RPH3A: variants seen among roughly 807,000 people sequenced by gnomAD.
RPH3A encodes rabphilin 3A.
A neutral mutation model predicts 102.2 loss-of-function variants in RPH3A; 48 were observed. The ratio of observed to expected loss-of-function variants is 0.47; its 90% CI spans 0.37 to 0.60. The LOEUF is 0.60. RPH3A is among the 20% of genes least tolerant of loss of function. RPH3A has a pLI of 0.00. For missense variants in RPH3A, 781 were observed against 910.1 expected (o/e 0.86, Z 1.83); for synonymous variants, 310 against 324.3 (o/e 0.96, Z 0.47).
In RPH3A at chr12:112,859,784, C is replaced by T. The variant is rs369780235; in HGVS notation, c.231-5630C>T. On this transcript the variant is annotated intron_variant, in intron 5 of 21. Coordinates refer to ENST00000389385, the MANE Select transcript of RPH3A (RefSeq NM_001143854.2). The stretch of plus-strand genomic sequence containing the variant: ...TAAAATGCAGGTTCCTAGGCCTCCC[C>T]CAACCCCATAGAATTATTCTCTGAA... 9.2e-4 allele frequency among the ~76,000 whole-genome samples: 140 copies of T among 152,330 alleles called. 2 individuals carry two copies. Among genetic ancestry groups the T allele is most frequent in the African/African-American group, 2.5e-3 (105 of 41,574 alleles).
chr12:112,844,336 G>C (rs1362020677), intron 4 of RPH3A, among the ~76,000 whole-genome samples: 1 of 152,234 alleles, frequency 6.6e-6, no homozygotes, highest in Non-Finnish European at 1.5e-5. Context: ...AGGTCCACAC[G>C]ATTAGGAAAT....
chr12:112,763,385 A>C (rs2040867360), intron 1 of RPH3A, among the ~76,000 whole-genome samples: 1 of 152,250 alleles, frequency 6.6e-6, no homozygotes, highest in Non-Finnish European at 1.5e-5. Context: ...TGTTTGGGCT[A>C]CAACTTGGCT....
chr12:112,819,949 G>A (rs865806672), intron 2 of RPH3A, among the ~76,000 whole-genome samples: 34 of 152,242 alleles, frequency 2.2e-4, no homozygotes, highest in Admixed American at 1.7e-3. Flanking sequence ...GCCACAGAAA[G>A]TCTTAGAGCC....
intron 1 of RPH3A, among the ~76,000 whole-genome samples, chr12:112,668,173 A>T (rs1816489462): frequency 6.6e-6 from 1 of 152,160 alleles, no homozygotes; most frequent in African/African-American, 2.4e-5. Flanking sequence ...GGTGGCAGGG[A>T]TCATATTTAT....
At chr12:112,882,177 T>C (rs982068897) in intron 15 of RPH3A, among the ~76,000 whole-genome samples, 3 of 152,140 alleles carry the variant, frequency 2.0e-5, no homozygotes, top group African/African-American at 7.2e-5. Context: ...TCACCTCCCC[T>C]ACACATTTTA....
intron 1 of RPH3A, among the ~76,000 whole-genome samples, chr12:112,707,566 T>C (rs139433853): frequency 1.3e-3 from 202 of 152,306 alleles, no homozygotes; most frequent in African/African-American, 4.6e-3. Context: ...TCAGGATAAA[T>C]GAGAATATAT....
intron 2 of RPH3A, among the ~76,000 whole-genome samples, chr12:112,796,963 T>C (rs1031655564): frequency 6.6e-6 from 1 of 152,104 alleles, no homozygotes; most frequent in East Asian, 1.9e-4. Context: ...GGCAGGAGAA[T>C]TACTTGAACC....
At chr12:112,788,034 G>T (rs112824940), upstream of RPH3A, among the ~76,000 whole-genome samples, 5 of 152,352 alleles carry the variant, frequency 3.3e-5, 2 homozygotes, top group African/African-American at 1.2e-4. Flanking sequence ...GGGTTTTGAG[G>T]TGTCTCCCTG....
intron 2 of RPH3A, among the ~76,000 whole-genome samples, chr12:112,799,888 A>G (rs924922478): frequency 4.6e-5 from 7 of 152,180 alleles, no homozygotes; most frequent in African/African-American, 1.7e-4. Flanking sequence ...AAGAATTTGC[A>G]CATCAAACGA....
intron 8 of RPH3A, 23 bp from the exon 9 acceptor site, chr12:112,869,736 T>A (rs551182268): frequency 7.6e-5 from 122 of 1,613,664 alleles, no homozygotes; most frequent in Admixed American, 1.5e-4. Flanking sequence ...GTACTCCTCA[T>A]AATTTGTGTT....
At chr12:112,582,831 G>A (rs2039410066) in intron 1 of RPH3A, among the ~76,000 whole-genome samples, 1 of 152,140 alleles carries the variant, frequency 6.6e-6, no homozygotes, top group South Asian at 2.1e-4. Flanking sequence ...TCTCTGGTTG[G>A]CAGACATTTT....
At chr12:112,852,098 G>T (rs2042332899) in intron 5 of RPH3A, among the ~76,000 whole-genome samples, 1 of 152,180 alleles carries the variant, frequency 6.6e-6, no homozygotes. Flanking sequence ...TTCAGTCAGT[G>T]GTTGGGCTGG....
chr12:112,614,215 C>T (rs2039659975), intron 1 of RPH3A, among the ~76,000 whole-genome samples: 1 of 152,126 alleles, frequency 6.6e-6, no homozygotes, highest in South Asian at 2.1e-4. Context: ...GTTGAAATCT[C>T]CTAAATTTGT....
intron 1 of RPH3A, among the ~76,000 whole-genome samples, chr12:112,653,440 C>A (rs932735444): frequency 6.6e-6 from 1 of 150,588 alleles, no homozygotes; most frequent in Admixed American, 6.6e-5. Flanking sequence ...ATGGAGCTTG[C>A]AGGACTGGAG....
chr12:112,723,264 C>A (rs1235430119), intron 1 of RPH3A, among the ~76,000 whole-genome samples: 1 of 152,116 alleles, frequency 6.6e-6, no homozygotes, highest in Non-Finnish European at 1.5e-5. Flanking sequence ...TTACCGATAA[C>A]ATAAATAGTC....
At chr12:112,771,863 A>G (rs774076946) in intron 1 of RPH3A, among the ~76,000 whole-genome samples, 1 of 152,238 alleles carries the variant, frequency 6.6e-6, no homozygotes, top group Admixed American at 6.5e-5. Context: ...ATCAAAGAAC[A>G]TCACTTTATA....
At chr12:112,896,536 A>G (rs996951423) in intron 21 of RPH3A, 114 bp from the exon 22 acceptor site, 1 of 1,187,114 alleles carries the variant, frequency 8.4e-7, no homozygotes, top group Admixed American at 2.0e-5. Flanking sequence ...TAGAGTATGG[A>G]TCCCAGGTTG....
At chr12:112,585,715 C>A (rs556927720) in intron 1 of RPH3A, among the ~76,000 whole-genome samples, 3 of 151,832 alleles carry the variant, frequency 2.0e-5, no homozygotes, top group Non-Finnish European at 4.4e-5. Context: ...CCAGCCTGGG[C>A]AATAGAGTGA....
chr12:112,829,017 A>G (rs1014217555), intron 3 of RPH3A, among the ~76,000 whole-genome samples: 1 of 152,104 alleles, frequency 6.6e-6, no homozygotes, highest in South Asian at 2.1e-4. Context: ...TGTCCCCATC[A>G]TTCCTTGTTG....
Sources: allele counts gnomAD v4.1 joint callset (sites outside exome capture counted in the v4.1 genomes callset), GRCh38; gene constraint gnomAD v4.1.1; transcripts MANE v1.5; gene names NCBI Gene and HGNC (gene_info 2026-07-23, HGNC 2026-07-21).